Variants in LIN7A observed in about 807,000 individuals in gnomAD.
LIN7A encodes the protein protein lin-7 homolog A.
Under a neutral mutation model 29.8 loss-of-function variants are expected in LIN7A, and 25 were observed. The ratio of observed to expected loss-of-function variants is 0.84; its 90% CI spans 0.61 to 1.17. The LOEUF is 1.17. Among genes scored for constraint, LIN7A ranks in the 50% most tolerant of loss-of-function variants. The pLI is 0.00. For synonymous variants in LIN7A, 118 were observed against 107.5 expected (o/e 1.10, Z -0.60); for missense variants, 239 against 287.0 (o/e 0.83, Z 1.21).
chr12:80,818,690 C>T (rs1157657568), intron 4 of LIN7A, among the ~76,000 whole-genome samples: 1 of 152,174 alleles, frequency 6.6e-6, no homozygotes, highest in Non-Finnish European at 1.5e-5. Flanking sequence ...TCTTCCCAGC[C>T]TTGCCATATT....
At chr12:80,896,279 G>A (rs2120696049) in intron 1 of LIN7A, among the ~76,000 whole-genome samples, 2 of 152,246 alleles carry the variant, frequency 1.3e-5, no homozygotes, top group South Asian at 4.1e-4. Flanking sequence ...CAGTGTTGGT[G>A]GAACACTGCA....
intron 4 of LIN7A, among the ~76,000 whole-genome samples, chr12:80,823,944 T>A (rs1350818961): frequency 6.6e-6 from 1 of 151,834 alleles, no homozygotes; most frequent in Non-Finnish European, 1.5e-5. Context: ...AAATAGACAA[T>A]CTAAGGTCAG....
chr12:80,832,560 C>A, intron 4 of LIN7A: 1 of 477,296 alleles, frequency 2.1e-6, no homozygotes, highest in South Asian at 1.6e-5. Flanking sequence ...TCAGAAGGAG[C>A]CTGGACTTAC....
chr12:80,800,068 T>C (rs928278372), intron 5 of LIN7A, among the ~76,000 whole-genome samples: 1 of 152,088 alleles, frequency 6.6e-6, no homozygotes, highest in Non-Finnish European at 1.5e-5. Context: ...AATTATTACT[T>C]CTATTAGAAA....
intron 2 of LIN7A, among the ~76,000 whole-genome samples, chr12:80,873,002 T>A (rs1291693144): frequency 6.6e-6 from 1 of 152,210 alleles, no homozygotes. Context: ...ATTGTCTCCA[T>A]ATGGGCTTAT....
At chr12:80,805,399 TG>T (rs1260152621) in intron 5 of LIN7A, among the ~76,000 whole-genome samples, 2 of 151,646 alleles carry the variant, frequency 1.3e-5, no homozygotes, top group Non-Finnish European at 2.9e-5. Flanking sequence ...ATAAAGAAAA[TG>T]GGGGGTCTTT....
intron 4 of LIN7A, among the ~76,000 whole-genome samples, chr12:80,832,862 T>C (rs1872434454): frequency 6.6e-6 from 1 of 152,122 alleles, no homozygotes; most frequent in South Asian, 2.1e-4. Flanking sequence ...CCAAGGATGA[T>C]TTTGCTTGTT....
chr12:80,829,835 C>A (rs1872260176), intron 4 of LIN7A, among the ~76,000 whole-genome samples: 1 of 152,186 alleles, frequency 6.6e-6, no homozygotes, highest in South Asian at 2.1e-4. Flanking sequence ...CTAATGAGAT[C>A]TGTGTTTCTC....
At chr12:80,820,630 T>TACACACACACACACGC in intron 4 of LIN7A, among the ~76,000 whole-genome samples, 1 of 147,518 alleles carries the variant, frequency 6.8e-6, no homozygotes, top group South Asian at 2.2e-4. Flanking sequence ...GAAGATTAAA[T>TACACACACACACACGC]ACACACACAC....
At chr12:80,863,025 G>A (rs921876955) in intron 2 of LIN7A, among the ~76,000 whole-genome samples, 2 of 152,198 alleles carry the variant, frequency 1.3e-5, no homozygotes, top group African/African-American at 2.4e-5. Context: ...TATGGTAAAT[G>A]CACCACGCTT....
chr12:80,806,248 T>C (rs1565883382), intron 5 of LIN7A, among the ~76,000 whole-genome samples: 1 of 152,124 alleles, frequency 6.6e-6, no homozygotes, highest in Admixed American at 6.5e-5. Context: ...AAAGTGGGTA[T>C]AGCACGAATA....
At chr12:80,855,380 C>G (rs1162646896) in intron 2 of LIN7A, among the ~76,000 whole-genome samples, 1 of 151,958 alleles carries the variant, frequency 6.6e-6, no homozygotes, top group African/African-American at 2.4e-5. Context: ...CTATACCTAT[C>G]TACACTTTTT....
chr12:80,875,766 C>T (rs187178267), intron 2 of LIN7A, among the ~76,000 whole-genome samples: 1 of 152,218 alleles, frequency 6.6e-6, no homozygotes, highest in East Asian at 1.9e-4. Flanking sequence ...ATGCTAGGTA[C>T]TAATTTTCTG....
At chr12:80,890,247 T>G (rs1018354077) in intron 1 of LIN7A, among the ~76,000 whole-genome samples, 19 of 152,176 alleles carry the variant, frequency 1.2e-4, no homozygotes, top group Non-Finnish European at 4.4e-5. Flanking sequence ...AAAATACTTA[T>G]GGGTGATCTC....
intron 2 of LIN7A, among the ~76,000 whole-genome samples, chr12:80,885,737 T>A (rs1269695793): frequency 3.3e-5 from 5 of 152,072 alleles, no homozygotes; most frequent in South Asian, 2.1e-4. Flanking sequence ...AAAAAAATAG[T>A]TAAGGGAGCT....
At chr12:80,937,561 G>C in intron 1 of LIN7A, 80 bp downstream of exon 1, 2 of 1,067,156 alleles carry the variant, frequency 1.9e-6, no homozygotes, top group Middle Eastern at 6.2e-4. Context: ...CGCGTCCCAT[G>C]TCCCGTTGGG....
intron 4 of LIN7A, among the ~76,000 whole-genome samples, chr12:80,816,359 C>A (rs1243779834): frequency 4.0e-5 from 6 of 151,220 alleles, no homozygotes; most frequent in African/African-American, 1.5e-4. Context: ...TGTGGGGAGC[C>A]ATGTTTGTGT....
At chr12:80,878,788 A>T (rs1716550) in intron 2 of LIN7A, among the ~76,000 whole-genome samples, 102,791 of 151,610 alleles carry the variant, frequency 0.68, 38,859 homozygotes, top group Non-Finnish European at 0.87. Flanking sequence ...AGCCACAGAG[A>T]GCTGATTGGT....
intron 4 of LIN7A, among the ~76,000 whole-genome samples, chr12:80,814,746 T>G (rs781478730): frequency 6.6e-6 from 1 of 152,178 alleles, no homozygotes; most frequent in Admixed American, 6.5e-5. Flanking sequence ...CAGTTAACAA[T>G]GTATCAAAAG....
Sources: allele counts gnomAD v4.1 joint callset (sites outside exome capture counted in the v4.1 genomes callset), GRCh38; gene constraint gnomAD v4.1.1; transcripts MANE v1.5; gene names NCBI Gene and HGNC (gene_info 2026-07-23, HGNC 2026-07-21).